The following ENPEP variants were observed in gnomAD, a reference collection of about 807,000 sequenced individuals.
The protein encoded by ENPEP is AP-A.
In ENPEP, 103 loss-of-function variants were observed where a neutral mutation model predicts 114.5. The ratio of observed to expected loss-of-function variants is 0.90; its 90% confidence interval spans 0.77 to 1.06. The LOEUF (loss-of-function observed/expected upper bound fraction) is 1.06, where lower values mean the gene tolerates loss of function less well. Among genes scored for constraint, ENPEP ranks in the 50% least tolerant of loss-of-function variants. The pLI, the probability that ENPEP is intolerant of heterozygous loss-of-function variation, is 0.00. For missense variants in ENPEP, 1,196 were observed against 1,161.3 expected, an observed-to-expected ratio of 1.03 and a Z score of -0.43; for synonymous variants, 420 against 422.0, an observed-to-expected ratio of 1.00 and a Z score of 0.06.
Position 110,548,231 on chromosome 4 carries a change from G to C in ENPEP, c.2056G>C (p.Glu686Gln), listed in dbSNP as rs142911369. Residue 686 changes from glutamate to glutamine, a missense_variant, in exon 14 of 20, where the codon GAA (glutamate) becomes CAA (glutamine). By Grantham distance (29) the Glu-to-Gln change is conservative. Transcript: ENST00000265162. The part of the protein sequence containing the change: ...ALNLTKYLKR[E>Q]ENFLPWQRVI... ...GAACTTGACCAAGTATCTCAAAAGGGAAGAGAATTTTTTACCATGGCAGAG... is the reference window on the plus strand; with the variant it reads ...GAACTTGACCAAGTATCTCAAAAGGCAAGAGAATTTTTTACCATGGCAGAG... The C allele has an allele frequency of 1.3e-6, 2 of 1,589,068 alleles. No homozygotes were observed. Among genetic ancestry groups the C allele is most frequent in the South Asian group, 2.3e-5 (2 of 88,852 alleles).
intron 11 of ENPEP, among the ~76,000 whole-genome samples, chr4:110,541,399 C>T (rs1043779291): frequency 6.6e-6 from 1 of 152,150 alleles, no homozygotes; most frequent in Non-Finnish European, 1.5e-5. Context: ...CCTCCTCTGA[C>T]TGTCCACATC....
At chr4:110,482,141 A>G (rs1199336335) in intron 1 of ENPEP, among the ~76,000 whole-genome samples, 1 of 152,228 alleles carries the variant, frequency 6.6e-6, no homozygotes, top group Non-Finnish European at 1.5e-5. Flanking sequence ...AGTTAACTCA[A>G]CCATCCACTT....
intron 3 of ENPEP, among the ~76,000 whole-genome samples, chr4:110,497,608 C>A (rs188506167): frequency 1.4e-3 from 218 of 152,128 alleles, no homozygotes; most frequent in Middle Eastern, 0.01. Flanking sequence ...CTTTGTGTAA[C>A]CTAATGGCCG....
At position 110,495,298 on chromosome 4, in the gene ENPEP, A is replaced by C. The variant is rs185114618; in HGVS notation, c.918+4134A>C. 5.6e-3 allele frequency among the ~76,000 whole-genome samples: 859 copies of C among 152,320 alleles called. 29 individuals are homozygous for C. The highest frequency in any genetic ancestry group is 1.0e-3 in the Non-Finnish European group (68 of 68,028). Reference sequence around the variant, plus strand: ...AGGAAAAAGGAAAATCCCCCGTATTAGTATATATAAAATCATTTGAAGTTG... The same window carrying C: ...AGGAAAAAGGAAAATCCCCCGTATTCGTATATATAAAATCATTTGAAGTTG... On this transcript the variant is annotated intron_variant, in intron 3 of 19. Transcript: ENST00000265162.
chr4:110,521,093 C>A (rs112871956), intron 10 of ENPEP, among the ~76,000 whole-genome samples: 147 of 152,284 alleles, frequency 9.7e-4, no homozygotes, highest in African/African-American at 3.4e-3. Context: ...TGACAGCACC[C>A]CTCATACACA....
chr4:110,505,577 G>A (rs773679453), intron 3 of ENPEP, among the ~76,000 whole-genome samples: 7 of 152,166 alleles, frequency 4.6e-5, no homozygotes, highest in African/African-American at 1.2e-4. Context: ...AACTAGCAAC[G>A]CATTGGGAAT....
intron 2 of ENPEP, among the ~76,000 whole-genome samples, chr4:110,489,530 A>T (rs947039218): frequency 7.2e-5 from 11 of 152,194 alleles, no homozygotes; most frequent in African/African-American, 2.7e-4. Context: ...CACATTCTGC[A>T]CATGTATCCC....
rs530332653 is a variant in ENPEP at position 110,523,743 on chromosome 4, C to T, written c.1727+3377C>T. On this transcript the variant is annotated intron_variant, in intron 10 of 19. Transcript: ENST00000265162. The stretch of plus-strand genomic sequence containing the variant: ...GAAAAATCAACTGACAAAAAAAGGA[C>T]ATGGAAGAGGGAGAAAAGGTGGGAG... Among the ~76,000 whole-genome samples, 25 of 152,204 alleles carry T rather than the reference C, an allele frequency of 1.6e-4. No individual in the cohort carries two copies. In the South Asian group the frequency reaches 5.0e-3, roughly 30 times the overall value.
intron 1 of ENPEP, among the ~76,000 whole-genome samples, chr4:110,487,156 T>C (rs1399499673): frequency 6.6e-6 from 1 of 152,170 alleles, no homozygotes; most frequent in African/African-American, 2.4e-5. Context: ...CATGAGGAAT[T>C]TGTGGAGGTT....
intron 13 of ENPEP, among the ~76,000 whole-genome samples, chr4:110,546,072 G>A (rs1441861541): frequency 1.3e-5 from 2 of 151,972 alleles, no homozygotes; most frequent in Admixed American, 1.3e-4. Context: ...TTGGAGGGGA[G>A]AGCATTTACA....
intron 1 of ENPEP, among the ~76,000 whole-genome samples, chr4:110,483,881 T>G (rs1370772983): frequency 1.3e-5 from 2 of 152,226 alleles, no homozygotes; most frequent in Non-Finnish European, 2.9e-5. Flanking sequence ...TTATCTCTTA[T>G]TCCTTGTTTT....
rs369784985 is a variant in ENPEP, at chr4:110,561,368, A to G, written c.2722-38A>G. The G allele has an allele frequency of 4.4e-5, 70 of 1,600,512 alleles. No homozygotes were observed. The African/African-American group carries it at 7.8e-4, about 18-fold the overall frequency. On this transcript the variant is annotated intron_variant, in intron 19 of 19. Transcript: ENST00000265162. ...GAAATTCTTGAAGACTAATTTGGCT[A>G]TAAATGACAATCCTAATTACTCCCC...
At chr4:110,495,096 A>C (rs956856405) in intron 3 of ENPEP, among the ~76,000 whole-genome samples, 10 of 152,350 alleles carry the variant, frequency 6.6e-5, no homozygotes, top group African/African-American at 2.4e-4. Context: ...TCAGAGAGGA[A>C]ACAATATCCC....
chr4:110,493,964 C>A (rs189321240), intron 3 of ENPEP, among the ~76,000 whole-genome samples: 1 of 152,162 alleles, frequency 6.6e-6, no homozygotes, highest in Non-Finnish European at 1.5e-5. Flanking sequence ...ATAGAAACAC[C>A]GTGGGAGTAA....
At chr4:110,529,630 C>T (rs1726326827) in intron 10 of ENPEP, among the ~76,000 whole-genome samples, 1 of 152,172 alleles carries the variant, frequency 6.6e-6, no homozygotes, top group African/African-American at 2.4e-5. Context: ...ACACCTGTCA[C>T]TCACTGTTAA....
rs928604754 is a variant in ENPEP, at chr4:110,488,506, C to T, written c.645-35C>T. ...ACATAGGGGTTGTCAGAAGAGGCAG[C>T]ATGCATTTCGTTTGTTTGTTTGTTT... On this transcript the variant is annotated intron_variant, in intron 1 of 19. Transcript: ENST00000265162. 3 of 1,566,896 alleles carry T rather than the reference C, an allele frequency of 1.9e-6. No individual in the cohort carries two copies. In the African/African-American group the frequency reaches 4.1e-5, roughly 21 times the overall value.
intron 10 of ENPEP, among the ~76,000 whole-genome samples, chr4:110,523,840 A>G (rs1457892448): frequency 6.6e-6 from 1 of 152,156 alleles, no homozygotes; most frequent in Admixed American, 6.5e-5. Context: ...TTTTCTTGTC[A>G]GTGACATGTT....
rs1274205638 is a variant in ENPEP at position 110,479,890 on chromosome 4, T to C, written c.644+2832T>C. Among the ~76,000 whole-genome samples the C allele has an allele frequency of 2.0e-5, 3 of 152,224 alleles. No homozygotes were observed. The East Asian group carries it at 5.8e-4, about 29-fold the overall frequency. On this transcript the variant is annotated intron_variant, in intron 1 of 19. Coordinates refer to ENST00000265162, the MANE Select transcript of ENPEP (RefSeq NM_001977.4). ...AGGAAGGCCAAAAATTGGAACTATG[T>C]AGTCTCCATTAATAAGTTTCTATTA...
chr4:110,497,704 C>T (rs1025551453), intron 3 of ENPEP, among the ~76,000 whole-genome samples: 7 of 152,010 alleles, frequency 4.6e-5, no homozygotes, highest in South Asian at 4.2e-4. Flanking sequence ...ATAGCTACAG[C>T]GGAAAAAAAG....
Sources: allele counts gnomAD v4.1 joint callset (sites outside exome capture counted in the v4.1 genomes callset), GRCh38; gene constraint gnomAD v4.1.1; transcripts MANE v1.5; gene names NCBI Gene and HGNC (gene_info 2026-07-23, HGNC 2026-07-21).